The following TEAD1 variants were observed in gnomAD, a reference collection of about 807,000 sequenced individuals.
TEAD1 encodes transcriptional enhancer factor TEF-1.
Under a neutral mutation model 54.9 loss-of-function variants are expected in TEAD1, and 9 were observed. The ratio of observed to expected loss-of-function variants is 0.16; its 90% CI spans 0.10 to 0.29. The LOEUF (loss-of-function observed/expected upper bound fraction) is 0.29, where lower values mean the gene tolerates loss of function less well. Among genes scored for constraint, TEAD1 ranks in the 10% least tolerant of loss-of-function variants. The probability of loss-of-function intolerance (pLI) is 1.00; values close to 1 mark genes in which losing one functional copy is unlikely to be tolerated. For missense variants in TEAD1, 387 were observed against 535.9 expected (o/e 0.72, Z 2.74); for synonymous variants, 200 against 187.8 (o/e 1.07, Z -0.53).
At chr11:12,791,364 A>G (rs1029766648) in intron 3 of TEAD1, among the ~76,000 whole-genome samples, 1 of 152,228 alleles carries the variant, frequency 6.6e-6, no homozygotes, top group Non-Finnish European at 1.5e-5. Flanking sequence ...TCAGCAGGGA[A>G]GGACCCCTTG....
intron 3 of TEAD1, among the ~76,000 whole-genome samples, chr11:12,842,498 C>G (rs905390158): frequency 1.3e-5 from 2 of 152,176 alleles, no homozygotes; most frequent in African/African-American, 4.8e-5. Context: ...TCCGGAGATA[C>G]TCTTAGCCTG....
chr11:12,852,815 T>C (rs1947302833), intron 3 of TEAD1, among the ~76,000 whole-genome samples: 1 of 152,156 alleles, frequency 6.6e-6, no homozygotes, highest in South Asian at 2.1e-4. Context: ...GACTGTACCT[T>C]GAAGAGGCTT....
intron 3 of TEAD1, among the ~76,000 whole-genome samples, chr11:12,787,924 G>T: frequency 6.6e-6 from 1 of 151,116 alleles, no homozygotes; most frequent in Non-Finnish European, 1.5e-5. Context: ...TCTTTGAAAT[G>T]ATACTCTGGT....
intron 3 of TEAD1, among the ~76,000 whole-genome samples, chr11:12,771,506 T>C (rs1945310788): frequency 6.6e-6 from 1 of 152,168 alleles, no homozygotes; most frequent in Non-Finnish European, 1.5e-5. Flanking sequence ...AGGAGTTTGA[T>C]TTCAGGTTCC....
intron 3 of TEAD1, among the ~76,000 whole-genome samples, chr11:12,817,023 A>C (rs1035256124): frequency 1.3e-5 from 2 of 152,186 alleles, no homozygotes; most frequent in Middle Eastern, 3.2e-3. Flanking sequence ...CACACTGCCC[A>C]ATTGAAATGT....
chr11:12,768,387 A>G (rs1326473686), intron 3 of TEAD1, among the ~76,000 whole-genome samples: 1 of 152,232 alleles, frequency 6.6e-6, no homozygotes, highest in African/African-American at 2.4e-5. Flanking sequence ...AGAGGTATGT[A>G]AGTGCTTATG....
chr11:12,861,830 T>C (rs1172721199), intron 3 of TEAD1, among the ~76,000 whole-genome samples: 1 of 151,996 alleles, frequency 6.6e-6, no homozygotes, highest in Admixed American at 6.5e-5. Context: ...CTACTAAAAA[T>C]ACAAAATTAG....
chr11:12,877,403 A>T (rs991014464), intron 5 of TEAD1, among the ~76,000 whole-genome samples: 2 of 152,252 alleles, frequency 1.3e-5, no homozygotes, highest in African/African-American at 4.8e-5. Context: ...CTGTAATCCC[A>T]GCACTTTGGG....
intron 11 of TEAD1, 126 bp downstream of exon 11, chr11:12,925,178 C>A: frequency 9.3e-7 from 1 of 1,079,566 alleles, no homozygotes; most frequent in Non-Finnish European, 1.4e-6. Context: ...TTAGTCCATT[C>A]TCACACTGCT....
intron 3 of TEAD1, among the ~76,000 whole-genome samples, chr11:12,829,288 G>A (rs1458162416): frequency 6.6e-6 from 1 of 152,100 alleles, no homozygotes; most frequent in African/African-American, 2.4e-5. Context: ...CAAAACATAC[G>A]TGAGAGAATG....
chr11:12,872,184 A>G (rs560537763), intron 5 of TEAD1, among the ~76,000 whole-genome samples: 1 of 152,334 alleles, frequency 6.6e-6, no homozygotes, highest in African/African-American at 2.4e-5. Flanking sequence ...TGTTTGTATC[A>G]TCACTGATTC....
intron 4 of TEAD1, chr11:12,864,618 T>TTTTGTTTTGG: frequency 1.2e-6 from 1 of 860,242 alleles, no homozygotes; most frequent in Non-Finnish European, 1.5e-6. Context: ...TGATTTCCTT[T>TTTTGTTTTGG]TTTGTTTTGT....
chr11:12,858,970 G>A (rs962963789), intron 3 of TEAD1, among the ~76,000 whole-genome samples: 1 of 152,322 alleles, frequency 6.6e-6, no homozygotes, highest in South Asian at 2.1e-4. Flanking sequence ...TAACACAATG[G>A]TAAGACTTGG....
chr11:12,882,825 A>G (rs1202014709), intron 8 of TEAD1, among the ~76,000 whole-genome samples, 176 bp from the exon 9 acceptor site: 3 of 152,180 alleles, frequency 2.0e-5, no homozygotes, highest in African/African-American at 7.2e-5. Context: ...TTGACTGTTT[A>G]CCATCACTGG....
intron 11 of TEAD1, among the ~76,000 whole-genome samples, chr11:12,926,076 C>G (rs1948898905): frequency 6.6e-6 from 1 of 152,118 alleles, no homozygotes; most frequent in Non-Finnish European, 1.5e-5. Flanking sequence ...TTAGTGTCTT[C>G]TATCCATCAC....
At chr11:12,876,932 G>A (rs1216518926) in intron 5 of TEAD1, among the ~76,000 whole-genome samples, 1 of 152,206 alleles carries the variant, frequency 6.6e-6, no homozygotes, top group Admixed American at 6.5e-5. Context: ...GCCAACAGTA[G>A]ATTGCCTGGC....
At chr11:12,792,621 A>G (rs548523671) in intron 3 of TEAD1, among the ~76,000 whole-genome samples, 1 of 152,270 alleles carries the variant, frequency 6.6e-6, no homozygotes, top group South Asian at 2.1e-4. Context: ...TGGATGAGCA[A>G]CTCTGTGCAA....
At chr11:12,778,359 T>C (rs1945472957) in intron 3 of TEAD1, among the ~76,000 whole-genome samples, 1 of 152,104 alleles carries the variant, frequency 6.6e-6, no homozygotes, top group Admixed American at 6.5e-5. Context: ...TCCTGGTGTC[T>C]GGGATACCGT....
intron 2 of TEAD1, among the ~76,000 whole-genome samples, chr11:12,755,833 C>T (rs1226840961): frequency 6.6e-6 from 1 of 152,098 alleles, no homozygotes; most frequent in Non-Finnish European, 1.5e-5. Context: ...TGGCCTTGTC[C>T]TTTTGAAGGA....
Sources: gnomAD v4.1 joint callset for allele counts (sites outside exome capture counted in the v4.1 genomes callset) on GRCh38, gnomAD v4.1.1 for gene constraint, MANE v1.5 for transcripts, NCBI Gene and HGNC (gene_info 2026-07-23, HGNC 2026-07-21) for gene names.